XKR6: variants seen among roughly 807,000 people sequenced by gnomAD.
The protein encoded by XKR6 is XK-related protein 6.
A neutral mutation model predicts 56.7 loss-of-function variants in XKR6; 22 were observed. That is an observed-to-expected ratio of 0.39 (90% CI 0.28 to 0.55). The LOEUF (loss-of-function observed/expected upper bound fraction) is 0.55, where lower values mean the gene tolerates loss of function less well. Among genes scored for constraint, XKR6 ranks in the 20% least tolerant of loss-of-function variants. The pLI is 0.66. For synonymous variants in XKR6, 524 were observed against 387.8 expected, an observed-to-expected ratio of 1.35 and a Z score of -4.13; for missense variants, 852 against 889.0, an observed-to-expected ratio of 0.96 and a Z score of 0.53.
intron 1 of XKR6, among the ~76,000 whole-genome samples, chr8:11,189,426 AAT>A (rs1457496803): frequency 1.3e-5 from 2 of 152,198 alleles, no homozygotes; most frequent in African/African-American, 4.8e-5. Flanking sequence ...ATCCAGGCAT[AAT>A]ATATGGCAAC....
intron 1 of XKR6, among the ~76,000 whole-genome samples, chr8:10,961,161 A>T (rs1052578965): frequency 6.6e-6 from 1 of 152,140 alleles, no homozygotes; most frequent in African/African-American, 2.4e-5. Flanking sequence ...CAGCAGAAGA[A>T]GTTGCATTTT....
intron 1 of XKR6, among the ~76,000 whole-genome samples, chr8:11,115,845 C>T (rs1001062008): frequency 6.6e-6 from 1 of 152,186 alleles, no homozygotes; most frequent in Non-Finnish European, 1.5e-5. Flanking sequence ...AGAATAAATA[C>T]ATTTCTGAGT....
intron 1 of XKR6, among the ~76,000 whole-genome samples, chr8:11,122,957 C>T (rs1015807561): frequency 1.9e-4 from 29 of 151,762 alleles, no homozygotes; most frequent in Middle Eastern, 3.4e-3. Context: ...CATGCCTCTG[C>T]CGGGTGCAGT....
intron 1 of XKR6, among the ~76,000 whole-genome samples, chr8:11,138,799 G>T (rs1800530774): frequency 6.6e-6 from 1 of 152,022 alleles, no homozygotes; most frequent in Non-Finnish European, 1.5e-5. Context: ...TTCACAAAAT[G>T]ACTAATTTTA....
rs1319848225 is a variant in XKR6 at position 11,146,431 on chromosome 8, G to A, written c.764+54145C>T. 2.6e-5 allele frequency among the ~76,000 whole-genome samples: 4 copies of A among 152,170 alleles called. No individual in the cohort carries two copies. In the East Asian group the frequency reaches 7.7e-4, roughly 29 times the overall value. Reference sequence around the variant, plus strand: ...GCATGAGGCCAGGAGTTCAATACCAGCTTGGGCAACACGGCGAAACGCCAT... The same window carrying A: ...GCATGAGGCCAGGAGTTCAATACCAACTTGGGCAACACGGCGAAACGCCAT... On this transcript the variant is annotated intron_variant, in intron 1 of 2. Transcript: ENST00000416569.
At chr8:10,986,479 C>T (rs746994332) in intron 1 of XKR6, among the ~76,000 whole-genome samples, 50 of 152,074 alleles carry the variant, frequency 3.3e-4, no homozygotes, top group Non-Finnish European at 5.3e-4. Flanking sequence ...TTATACTTCA[C>T]GATCTCAAGG....
intron 1 of XKR6, among the ~76,000 whole-genome samples, chr8:11,177,050 G>C (rs1332292853): frequency 2.6e-5 from 4 of 152,184 alleles, no homozygotes; most frequent in African/African-American, 9.7e-5. Flanking sequence ...TCTAAAGATA[G>C]AGAAGCTAAG....
Position 11,184,388 on chromosome 8 carries a change from T to TACACACACAC in XKR6, c.764+16178_764+16187dup, listed in dbSNP as rs6150466. On this transcript the variant is annotated intron_variant, in intron 1 of 2. Transcript: ENST00000416569. ...TATTTTATATATATATATACACACA[T>TACACACACAC]ACACACACACACACACACACACACA... Among the ~76,000 whole-genome samples the TACACACACAC allele has an allele frequency of 2.2e-4, 32 of 146,250 alleles. 1 individual carries two copies. Among genetic ancestry groups the TACACACACAC allele is most frequent in the Middle Eastern group, 3.5e-3 (1 of 284 alleles).
rs1239046779 is a variant in XKR6 at position 10,897,331 on chromosome 8, T to C, written c.*621A>G. ...ACAAATAATCAGATAGGAAGAATAA[T>C]TGCTTTGTGTTGTATTTGTTGGTTG... On this transcript the variant is annotated 3_prime_UTR_variant, in exon 3 of 3. Transcript: ENST00000416569. 1 of 152,586 alleles carries C rather than the reference T, an allele frequency of 6.6e-6. No homozygotes were observed. The highest frequency in any genetic ancestry group is 1.5e-5 in the Non-Finnish European group (1 of 68,038). 9.5% of individuals were successfully genotyped at this position (152,586 alleles called of 1,614,324 possible).
intron 1 of XKR6, chr8:11,123,691 T>G: frequency 2.8e-6 from 1 of 362,024 alleles, no homozygotes; most frequent in Non-Finnish European, 5.4e-6. Context: ...TTGTCTATAT[T>G]TCATATTTTT....
intron 1 of XKR6, among the ~76,000 whole-genome samples, chr8:11,098,289 G>C (rs776947494): frequency 6.6e-6 from 1 of 151,726 alleles, no homozygotes. Context: ...ACAGGCGCGC[G>C]CGCACACACA....
At chr8:11,173,139 T>C (rs1251900302) in intron 1 of XKR6, among the ~76,000 whole-genome samples, 1 of 149,380 alleles carries the variant, frequency 6.7e-6, no homozygotes, top group Non-Finnish European at 1.5e-5. Context: ...ATCGAGACCA[T>C]CCTGGCTAAC....
At chr8:10,919,421 A>C (rs578224401) in intron 2 of XKR6, among the ~76,000 whole-genome samples, 2 of 152,292 alleles carry the variant, frequency 1.3e-5, no homozygotes, top group South Asian at 4.1e-4. Context: ...CCCCAGACAG[A>C]ATGGGAAATT....
At chr8:11,151,992 C>G (rs1248890051) in intron 1 of XKR6, among the ~76,000 whole-genome samples, 3 of 152,046 alleles carry the variant, frequency 2.0e-5, no homozygotes, top group Non-Finnish European at 4.4e-5. Context: ...AAGAAGATCA[C>G]AAGAAAAAGG....
At chr8:11,015,480 C>G (rs1443400021) in intron 1 of XKR6, among the ~76,000 whole-genome samples, 1 of 152,266 alleles carries the variant, frequency 6.6e-6, no homozygotes, top group South Asian at 2.1e-4. Flanking sequence ...AAACCACCCC[C>G]CACCCCCACC....
At chr8:11,138,006 C>T (rs559768414) in intron 1 of XKR6, 2 of 304,668 alleles carry the variant, frequency 6.6e-6, no homozygotes, top group Non-Finnish European at 1.3e-5. Context: ...CCTTCTACCT[C>T]GGAAGACATC....
At chr8:10,977,532 C>A (rs1033582243) in intron 1 of XKR6, among the ~76,000 whole-genome samples, 7 of 150,956 alleles carry the variant, frequency 4.6e-5, no homozygotes, top group Non-Finnish European at 8.8e-5. Flanking sequence ...TATGTAACAA[C>A]AGAACTATCC....
chr8:10,924,986 C>T (rs987153463), intron 1 of XKR6, among the ~76,000 whole-genome samples, 156 bp from the exon 2 acceptor site: 6 of 152,048 alleles, frequency 3.9e-5, no homozygotes, highest in African/African-American at 1.2e-4. Context: ...GGGGGGCTCC[C>T]GGCAAAAGGA....
intron 1 of XKR6, among the ~76,000 whole-genome samples, chr8:11,173,298 C>A (rs953530896): frequency 6.6e-6 from 1 of 150,982 alleles, no homozygotes; most frequent in African/African-American, 2.4e-5. Flanking sequence ...GAGCTGAGAT[C>A]GTGCCACTGC....
Sources: allele counts gnomAD v4.1 joint callset (sites outside exome capture counted in the v4.1 genomes callset), GRCh38; gene constraint gnomAD v4.1.1; transcripts MANE v1.5; gene names NCBI Gene and HGNC (gene_info 2026-07-23, HGNC 2026-07-21).